ARSB: variants seen among roughly 807,000 people sequenced by gnomAD.
ARSB encodes the protein N-acetylgalactosamine-4-sulfatase.
ARSB carries 41 observed loss-of-function variants against 50.9 expected under a neutral mutation model. The ratio of observed to expected loss-of-function variants is 0.81; its 90% CI spans 0.63 to 1.04. The LOEUF is 1.04. Among genes scored for constraint, ARSB ranks in the 50% least tolerant of loss-of-function variants. ARSB has a pLI of 0.00. For missense variants in ARSB, 672 were observed against 693.3 expected (o/e 0.97, Z 0.35); for synonymous variants, 269 against 284.8 (o/e 0.94, Z 0.56).
intron 5 of ARSB, among the ~76,000 whole-genome samples, chr5:78,876,338 G>A (rs1747480671): frequency 6.6e-6 from 1 of 152,190 alleles, no homozygotes; most frequent in African/African-American, 2.4e-5. Flanking sequence ...GGTAAAGAAA[G>A]TAAAGGCACA....
rs545395002 is a variant in ARSB at position 78,934,463 on chromosome 5, TATA to T, written c.898+20829_898+20831del. Among the ~76,000 whole-genome samples, 5 of 152,238 alleles carry T rather than the reference TATA, an allele frequency of 3.3e-5. No individual in the cohort carries two copies. In the South Asian group the frequency reaches 8.3e-4, roughly 25 times the overall value. On this transcript the variant is annotated intron_variant, in intron 4 of 7. Coordinates refer to ENST00000264914, the MANE Select transcript of ARSB (RefSeq NM_000046.5). ...TTGTTATAAATATGATTGCTGATAT[TATA>T]ATAATATATATACTTAAGAACTTTC...
chr5:78,895,623 G>A (rs73769405), intron 4 of ARSB, among the ~76,000 whole-genome samples: 1 of 152,200 alleles, frequency 6.6e-6, no homozygotes, highest in African/African-American at 2.4e-5. Context: ...ACTGAAAAGA[G>A]AGAAAATTAT....
At chr5:78,860,161 C>A (rs1746359911) in intron 5 of ARSB, among the ~76,000 whole-genome samples, 1 of 152,138 alleles carries the variant, frequency 6.6e-6, no homozygotes, top group African/African-American at 2.4e-5. Flanking sequence ...GAGCTGAGTT[C>A]AAGTCCTGGA....
intron 4 of ARSB, among the ~76,000 whole-genome samples, chr5:78,930,868 G>C (rs1187038026): frequency 6.6e-6 from 1 of 152,222 alleles, no homozygotes; most frequent in East Asian, 1.9e-4. Flanking sequence ...AAGCACAGCG[G>C]GGTGGTCCCC....
chr5:78,869,876 C>G (rs1443630908), intron 5 of ARSB, among the ~76,000 whole-genome samples: 2 of 149,792 alleles, frequency 1.3e-5, no homozygotes, highest in African/African-American at 4.9e-5. Context: ...AATCCAGGAG[C>G]TGGTTTTTTG....
intron 6 of ARSB, among the ~76,000 whole-genome samples, chr5:78,804,409 G>GA (rs1743494678): frequency 1.3e-5 from 2 of 152,126 alleles, no homozygotes; most frequent in Admixed American, 1.3e-4. Context: ...CTCTCTTAAG[G>GA]AAAAAAAGTA....
At chr5:78,899,590 G>A (rs1748713089) in intron 4 of ARSB, among the ~76,000 whole-genome samples, 1 of 151,978 alleles carries the variant, frequency 6.6e-6, no homozygotes. Flanking sequence ...TCCTCTGCTT[G>A]GCTCACTCTG....
At chr5:78,905,899 G>A (rs1185706604) in intron 4 of ARSB, among the ~76,000 whole-genome samples, 2 of 117,360 alleles carry the variant, frequency 1.7e-5, no homozygotes, top group Non-Finnish European at 3.4e-5. Flanking sequence ...TTGCCTTTGG[G>A]AGCAAAGTAG....
chr5:78,832,979 C>A (rs10942868), intron 6 of ARSB, among the ~76,000 whole-genome samples: 1 of 152,016 alleles, frequency 6.6e-6, no homozygotes, highest in Admixed American at 6.6e-5. Context: ...CAAAGTGAGT[C>A]GTGGTCTCAG....
At chr5:78,892,039 G>A (rs946774049) in intron 4 of ARSB, among the ~76,000 whole-genome samples, 4 of 151,964 alleles carry the variant, frequency 2.6e-5, no homozygotes, top group African/African-American at 9.7e-5. Flanking sequence ...TATTGTGCCT[G>A]GCATAGAAGC....
chr5:78,985,394 C>T (rs1047199805), upstream of ARSB: 8 of 749,742 alleles, frequency 1.1e-5, no homozygotes, highest in African/African-American at 1.1e-4. Context: ...GCCGGGCGCT[C>T]GGCCCCCGCC....
chr5:78,780,935 G>A (rs558913921), intron 7 of ARSB, among the ~76,000 whole-genome samples: 3 of 152,312 alleles, frequency 2.0e-5, no homozygotes, highest in South Asian at 4.1e-4. Flanking sequence ...GGTGCTCCTG[G>A]CATTTAGTGG....
intron 5 of ARSB, among the ~76,000 whole-genome samples, chr5:78,865,721 C>T (rs1037642833): frequency 6.6e-6 from 1 of 152,176 alleles, no homozygotes; most frequent in African/African-American, 2.4e-5. Context: ...CCCAAATAAC[C>T]TCTTGAATGC....
At chr5:78,807,511 A>G (rs187882940) in intron 6 of ARSB, among the ~76,000 whole-genome samples, 19 of 152,330 alleles carry the variant, frequency 1.2e-4, no homozygotes, top group African/African-American at 4.6e-4. Context: ...GGCAAGGAGC[A>G]CTTCAAGGGA....
chr5:78,985,029 C>T lies in ARSB; in HGVS notation c.220G>A (p.Ala74Thr), dbSNP rs1353600307. ...GSRIRTPHLD[A>T]LAAGGVLLDN... ...AGGAGCACCCCGCCGGCCGCCAGCG[C>T]GTCCAGGTGCGGCGTGCGGATGCGG... The change falls in exon 1 of 8, where the codon GCG becomes ACG. Residue 74 changes from alanine (A) to threonine (T), a missense_variant. Ala to Thr is a moderately conservative substitution (Grantham distance 58, BLOSUM62 0). Coordinates refer to ENST00000264914, the MANE Select transcript of ARSB (RefSeq NM_000046.5). The T allele has an allele frequency of 1.9e-6, 3 of 1,541,662 alleles. No homozygotes were observed. The highest frequency in any genetic ancestry group is 2.6e-6 in the Non-Finnish European group (3 of 1,146,312).
At chr5:78,782,091 G>C in intron 6 of ARSB, 117 bp from the exon 7 acceptor site, 1 of 1,253,718 alleles carries the variant, frequency 8.0e-7, no homozygotes. Context: ...GTGCAAATGT[G>C]TATCTTGCCA....
rs143580784 is a variant in ARSB at position 78,945,121 on chromosome 5, T to G, written c.898+10174A>C. Among the ~76,000 whole-genome samples, 132 of 152,250 alleles carry G rather than the reference T, an allele frequency of 8.7e-4. 4 individuals carry two copies. In the East Asian group the frequency reaches 0.023, roughly 26 times the overall value. ...CCTGGTGTGCCGTTTGCTAAGACCA[T>G]TGGAAAAGCGCAGTATTAGGGTGGG... On this transcript the variant is annotated intron_variant, in intron 4 of 7. Coordinates refer to ENST00000264914, the MANE Select transcript of ARSB (RefSeq NM_000046.5).
chr5:78,847,487 T>G (rs1157723628), intron 5 of ARSB, among the ~76,000 whole-genome samples: 1 of 152,168 alleles, frequency 6.6e-6, no homozygotes, highest in African/African-American at 2.4e-5. Flanking sequence ...TGAGGCTTTG[T>G]GTGTCTATGT....
intron 6 of ARSB, among the ~76,000 whole-genome samples, chr5:78,793,193 G>A (rs1407438463): frequency 6.6e-6 from 1 of 152,190 alleles, no homozygotes; most frequent in Non-Finnish European, 1.5e-5. Flanking sequence ...CCCTAGGACA[G>A]TCCCACACAG....
Sources: gnomAD v4.1 joint callset for allele counts (sites outside exome capture counted in the v4.1 genomes callset) on GRCh38, gnomAD v4.1.1 for gene constraint, MANE v1.5 for transcripts, NCBI Gene and HGNC (gene_info 2026-07-23, HGNC 2026-07-21) for gene names.